TRIM24: variants seen among roughly 807,000 people sequenced by gnomAD.
TRIM24 encodes tripartite motif containing 24, also known as transcription intermediary factor 1-alpha.
TRIM24 carries 29 observed loss-of-function variants against 123.9 expected under a neutral mutation model. The observed-to-expected ratio is 0.23, with a 90% CI of 0.17 to 0.32. TRIM24 has a LOEUF of 0.32. Among genes scored for constraint, TRIM24 ranks in the 10% least tolerant of loss-of-function variants. The probability of loss-of-function intolerance (pLI) is 1.00; values close to 1 mark genes in which losing one functional copy is unlikely to be tolerated. For synonymous variants in TRIM24, 456 were observed against 461.1 expected, an observed-to-expected ratio of 0.99 and a Z score of 0.14; for missense variants, 932 against 1,295.3, an observed-to-expected ratio of 0.72 and a Z score of 4.31.
At chr7:138,543,729 T>A (rs1422808351) in intron 7 of TRIM24, among the ~76,000 whole-genome samples, 2 of 152,224 alleles carry the variant, frequency 1.3e-5, no homozygotes, top group African/African-American at 4.8e-5. Flanking sequence ...CTACTTACCT[T>A]GTATCTATGT....
chr7:138,542,305 A>T (rs1171997332), intron 7 of TRIM24, among the ~76,000 whole-genome samples: 1 of 152,106 alleles, frequency 6.6e-6, no homozygotes, highest in African/African-American at 2.4e-5. Flanking sequence ...TCTTCCTTTC[A>T]CTTGAACACT....
At chr7:138,468,749 G>T (rs373885023) in intron 1 of TRIM24, among the ~76,000 whole-genome samples, 281 of 152,174 alleles carry the variant, frequency 1.8e-3, no homozygotes, top group African/African-American at 6.5e-3. Context: ...CCATGGACTT[G>T]CTCTGCACAT....
At chr7:138,490,835 T>C (rs945616490) in intron 1 of TRIM24, 4 of 458,250 alleles carry the variant, frequency 8.7e-6, no homozygotes, top group African/African-American at 8.1e-5. Flanking sequence ...TCAAGTCATT[T>C]GTCTGTACCT....
At chr7:138,567,134 AGT>A (rs1797550430) in intron 9 of TRIM24, among the ~76,000 whole-genome samples, 1 of 152,224 alleles carries the variant, frequency 6.6e-6, no homozygotes, top group Admixed American at 6.5e-5. Flanking sequence ...TCAAAAGGGT[AGT>A]TCTTTGTGAA....
chr7:138,573,334 C>T (rs1797694001), intron 11 of TRIM24, among the ~76,000 whole-genome samples, 173 bp from the exon 12 acceptor site: 1 of 152,054 alleles, frequency 6.6e-6, no homozygotes, highest in Non-Finnish European at 1.5e-5. Context: ...ATAGTGAAAA[C>T]CTTTATTCAA....
At chr7:138,471,983 G>A (rs1795281941) in intron 1 of TRIM24, among the ~76,000 whole-genome samples, 1 of 152,046 alleles carries the variant, frequency 6.6e-6, no homozygotes, top group African/African-American at 2.4e-5. Context: ...ACAGGGTCAT[G>A]CTCCTCCTGC....
intron 8 of TRIM24, among the ~76,000 whole-genome samples, chr7:138,553,968 A>G (rs1212852512): frequency 6.6e-6 from 1 of 152,174 alleles, no homozygotes; most frequent in Non-Finnish European, 1.5e-5. Context: ...TGGACAGGAG[A>G]ACCACCAGCA....
In TRIM24 at chr7:138,579,194, T is replaced by C. The variant is rs1445076117; in HGVS notation, c.2257-10T>C. On this transcript the variant is annotated splice_polypyrimidine_tract_variant and intron_variant, in intron 14 of 18. Transcript: ENST00000343526. ...TAAAGCCAGTTAAATATATTTTTTT[T>C]CTACTACAGGCCAATTATCCAAGAA... 6.5e-7 allele frequency: 1 copy of C among 1,543,828 alleles called. No individual in the cohort carries two copies. Among genetic ancestry groups the C allele is most frequent in the African/African-American group, 1.4e-5 (1 of 71,956 alleles).
intron 7 of TRIM24, among the ~76,000 whole-genome samples, chr7:138,543,837 T>TTG (rs112153151): frequency 5.5e-4 from 84 of 152,184 alleles, no homozygotes; most frequent in Middle Eastern, 3.4e-3. Flanking sequence ...TTCTGTTTTT[T>TTG]TTGTTGTTGT....
chr7:138,460,625 C>T lies in TRIM24; in HGVS notation c.77C>T (p.Ala26Val), dbSNP rs1432290977. 3 of 1,413,342 alleles carry T rather than the reference C, an allele frequency of 2.1e-6. No individual in the cohort carries two copies. The highest frequency in any genetic ancestry group is 1.6e-5 in the South Asian group (1 of 64,122). 87.6% of individuals were successfully genotyped at this position (1,413,342 alleles called of 1,614,324 possible). A position where few individuals can be genotyped will look rare whatever the true frequency, so the allele number is the denominator to read the frequency against. The change falls in exon 1 of 19, where the codon GCG becomes GTG. Residue 26 changes from alanine to valine, a missense_variant. Coordinates refer to ENST00000343526, the MANE Select transcript of TRIM24 (RefSeq NM_015905.3). ...GCGGCCTCCGGGGGGCCCTCGGCGG[C>T]GCCGAGCGGGGAGAACGAGGCCGAG... ...SAAASGGPSA[A>V]PSGENEAESR... is the part of the protein sequence containing the mutation.
At chr7:138,515,956 A>C (rs1796385091) in intron 3 of TRIM24, among the ~76,000 whole-genome samples, 1 of 152,170 alleles carries the variant, frequency 6.6e-6, no homozygotes, top group Admixed American at 6.5e-5. Context: ...TACTATTTTC[A>C]AAACTTTTTT....
Position 138,579,200 on chromosome 7 carries a change from A to G in TRIM24, c.2257-4A>G. 1.3e-6 allele frequency: 2 copies of G among 1,557,248 alleles called. No individual in the cohort carries two copies. The highest frequency in any genetic ancestry group is 1.7e-6 in the Non-Finnish European group (2 of 1,154,980). On this transcript the variant is annotated splice_region_variant and splice_polypyrimidine_tract_variant and intron_variant, in intron 14 of 18. Coordinates refer to ENST00000343526, the MANE Select transcript of TRIM24 (RefSeq NM_015905.3). ...CAGTTAAATATATTTTTTTTCTACT[A>G]CAGGCCAATTATCCAAGAAGCATAC...
intron 6 of TRIM24, among the ~76,000 whole-genome samples, chr7:138,533,606 A>T (rs1291739640): frequency 6.6e-6 from 1 of 152,176 alleles, no homozygotes; most frequent in Admixed American, 6.5e-5. Flanking sequence ...GTGCTGCTGG[A>T]TTCGATTTGC....
intron 1 of TRIM24, chr7:138,461,187 C>T (rs777448770): frequency 2.9e-6 from 2 of 692,574 alleles, no homozygotes; most frequent in South Asian, 1.4e-5. Flanking sequence ...CGGCCCCTGC[C>T]ACTCGCACTT....
At chr7:138,572,551 A>G (rs1797679209) in intron 11 of TRIM24, among the ~76,000 whole-genome samples, 1 of 152,188 alleles carries the variant, frequency 6.6e-6, no homozygotes, top group Non-Finnish European at 1.5e-5. Flanking sequence ...TAGGAATTAC[A>G]GAATAAGCTG....
intron 1 of TRIM24, among the ~76,000 whole-genome samples, chr7:138,472,709 A>G (rs1795298357): frequency 6.6e-6 from 1 of 152,188 alleles, no homozygotes. Flanking sequence ...ATTTTAGGGC[A>G]GTGCTACTCA....
intron 1 of TRIM24, among the ~76,000 whole-genome samples, chr7:138,501,923 C>T (rs907351331): frequency 3.3e-5 from 5 of 151,444 alleles, no homozygotes; most frequent in South Asian, 2.1e-4. Context: ...AACAAAAAAC[C>T]GTCATGCAGC....
chr7:138,572,627 A>G (rs908392195), intron 11 of TRIM24, among the ~76,000 whole-genome samples: 2 of 152,188 alleles, frequency 1.3e-5, no homozygotes, highest in East Asian at 1.9e-4. Context: ...CTAGGTGCAT[A>G]AGCAAGAAAT....
At position 138,586,044 on chromosome 7, in the gene TRIM24, GAGTC is replaced by G. The variant is rs1303509059; in HGVS notation, c.*1096_*1099del. On this transcript the variant is annotated 3_prime_UTR_variant, in exon 19 of 19. Transcript: ENST00000343526. ...CATCTATCTCATGTTTTTCTTTTGA[GAGTC>G]AGAACATCAAACTTAATCTTTGATC... 10 of 430,542 alleles carry G rather than the reference GAGTC, an allele frequency of 2.3e-5. No individual in the cohort carries two copies. The highest frequency in any genetic ancestry group is 4.6e-5 in the Non-Finnish European group (10 of 219,632). The allele number at this position is 430,542 out of a possible 1,614,324, so 26.7% of individuals were successfully genotyped here.
Sources: gnomAD v4.1 joint callset for allele counts (sites outside exome capture counted in the v4.1 genomes callset) on GRCh38, gnomAD v4.1.1 for gene constraint, MANE v1.5 for transcripts, NCBI Gene and HGNC (gene_info 2026-07-23, HGNC 2026-07-21) for gene names.